SERPINB3: variants seen among roughly 807,000 people sequenced by gnomAD.
The protein encoded by SERPINB3 is serpin family B member 3, also known as serpin B3.
Under a neutral mutation model 33.0 loss-of-function variants are expected in SERPINB3, and 33 were observed. That is an observed-to-expected ratio of 1.00 (90% CI 0.76 to 1.34). SERPINB3 has a LOEUF of 1.34. SERPINB3 is among the 40% of genes most tolerant of loss of function. The pLI is 0.00. For synonymous variants in SERPINB3, 200 were observed against 170.9 expected, an observed-to-expected ratio of 1.17 and a Z score of -1.33; for missense variants, 518 against 461.5, an observed-to-expected ratio of 1.12 and a Z score of -1.12.
Position 63,656,025 on chromosome 18 carries a change from A to C in SERPINB3, c.805T>G (p.Trp269Gly). ...TCTCTCATATTCTGCAAACTTGTCC[A>C]TTCCATCAATTTCTCAGCAGTGAGT... ...EKLTAEKLME[W>G]TSLQNMRETR... Residue 269 changes from tryptophan (W) to glycine (G), a missense_variant, in exon 8 of 8, where the codon TGG becomes GGG. Physicochemically the swap from Trp to Gly is radical, Grantham distance 184. Coordinates refer to ENST00000283752, the MANE Select transcript of SERPINB3 (RefSeq NM_006919.3). The C allele has an allele frequency of 1.2e-6, 2 of 1,613,772 alleles. No homozygotes were observed. The highest frequency in any genetic ancestry group is 1.7e-6 in the Non-Finnish European group (2 of 1,179,820).
chr18:63,657,248 AT>A (rs773294566), intron 6 of SERPINB3, 21 bp downstream of exon 6: 2 of 1,250,934 alleles, frequency 1.6e-6, no homozygotes, highest in East Asian at 4.9e-5. Context: ...ATTACATTAT[AT>A]AAATAAAATA....
intron 5 of SERPINB3, among the ~76,000 whole-genome samples, chr18:63,657,618 G>A (rs12457809): frequency 0.095 from 14,414 of 152,070 alleles, 1,202 homozygotes; most frequent in East Asian, 0.44. Flanking sequence ...GTATAAAGTT[G>A]CCCTTAATGG....
chr18:63,659,007 G>A (rs1913571172), intron 4 of SERPINB3, among the ~76,000 whole-genome samples: 1 of 151,802 alleles, frequency 6.6e-6, no homozygotes, highest in African/African-American at 2.4e-5. Context: ...GTATTTCCTG[G>A]TACTTCCTCA....
At chr18:63,657,101 T>G (rs1214988496) in intron 6 of SERPINB3, 115 bp from the exon 7 acceptor site, 2 of 1,024,548 alleles carry the variant, frequency 2.0e-6, no homozygotes, top group East Asian at 5.3e-5. Flanking sequence ...ATGTAATGAG[T>G]TAGAGACAAT....
chr18:63,658,806 C>T (rs547698117), intron 4 of SERPINB3, among the ~76,000 whole-genome samples, 176 bp from the exon 5 acceptor site: 11 of 152,220 alleles, frequency 7.2e-5, no homozygotes, highest in South Asian at 2.1e-4. Flanking sequence ...AAGCGGAGTG[C>T]GGGCTGGCGC....
intron 6 of SERPINB3, 141 bp downstream of exon 6, chr18:63,657,129 C>A (rs1598937170): frequency 2.2e-6 from 2 of 920,732 alleles, no homozygotes; most frequent in Non-Finnish European, 3.1e-6. Flanking sequence ...TCAGGAATTC[C>A]TAACTAAATA....
At chr18:63,658,350 CT>C (rs1392944656) in intron 5 of SERPINB3, among the ~76,000 whole-genome samples, 162 bp downstream of exon 5, 1 of 152,016 alleles carries the variant, frequency 6.6e-6, no homozygotes, top group African/African-American at 2.4e-5. Flanking sequence ...CCCCTAGGCT[CT>C]CTTCATAATC....
At chr18:63,656,713 T>C (rs1467108943) in intron 7 of SERPINB3, 118 bp downstream of exon 7, 5 of 1,233,130 alleles carry the variant, frequency 4.1e-6, no homozygotes, top group Non-Finnish European at 5.6e-6. Flanking sequence ...TCATTCCTCA[T>C]TTAGAATTTT....
chr18:63,659,305 G>A (rs765169569), intron 4 of SERPINB3, 94 bp downstream of exon 4: 1 of 1,386,402 alleles, frequency 7.2e-7, no homozygotes, highest in Admixed American at 1.7e-5. Context: ...ACCTGGATCG[G>A]TCAGGCTCAT....
In SERPINB3 at chr18:63,656,900, T is replaced by C. The variant is rs1913511205; in HGVS notation, c.699A>G (p.Glu233=). The C allele has an allele frequency of 1.2e-6, 2 of 1,613,480 alleles. No individual in the cohort carries two copies. Among genetic ancestry groups the C allele is most frequent in the African/African-American group, 2.7e-5 (2 of 74,928 alleles). ...SLEDVQAKVL[E]IPYKGKDLSM... ...TTAGATCTTTGCCTTTGTATGGTAT[T>C]TCCAGGACCTTGGCCTGTACATCCT... The change falls in exon 7 of 8, where the codon GAA becomes GAG. Residue 233 remains glutamate, a synonymous_variant. Coordinates refer to ENST00000283752, the MANE Select transcript of SERPINB3 (RefSeq NM_006919.3).
At chr18:63,656,107 C>A (rs1442941117) in intron 7 of SERPINB3, 46 bp from the exon 8 acceptor site, 1 of 1,580,942 alleles carries the variant, frequency 6.3e-7, no homozygotes, top group Non-Finnish European at 8.6e-7. Flanking sequence ...CTGTTGATTT[C>A]TAATACACCT....
intron 5 of SERPINB3, 37 bp from the exon 6 acceptor site, chr18:63,657,449 C>A (rs774078904): frequency 3.3e-6 from 5 of 1,510,688 alleles, no homozygotes; most frequent in Admixed American, 4.0e-5. Context: ...TTTACACAAG[C>A]TACAAATGGC....
chr18:63,657,407 T>C lies in SERPINB3; in HGVS notation c.475A>G (p.Ile159Val). ...TTACCTTCAGGAATTAGGTTTTTAA[T>C]TTTTTCTGCAAGGGAAAGAATAAAA... ...SWVESQTNEK[I>V]KNLIPEGNIG... The change falls in exon 6 of 8, where the codon ATT (isoleucine) becomes GTT (valine). Residue 159 changes from isoleucine (I) to valine (V), a missense_variant. Coordinates refer to ENST00000283752, the MANE Select transcript of SERPINB3 (RefSeq NM_006919.3). The C allele has an allele frequency of 6.3e-7, 1 of 1,594,104 alleles. No homozygotes were observed. The highest frequency in any genetic ancestry group is 8.5e-7 in the Non-Finnish European group (1 of 1,171,216).
At chr18:63,660,901 T>C (rs1913625801) in intron 2 of SERPINB3, 45 bp from the exon 3 acceptor site, 4 of 1,612,672 alleles carry the variant, frequency 2.5e-6, no homozygotes, top group African/African-American at 1.3e-5. Context: ...ACTCAAAAGA[T>C]CTGTTTAAGT....
In SERPINB3 at chr18:63,661,039, T is replaced by G. The variant is rs1913630013; in HGVS notation, c.165+13A>C. ...AAACTGCAACAGGACAACATAATGATGCTGATAGCTACCTTCTTAATCTGT... is the reference window on the plus strand; with the variant it reads ...AAACTGCAACAGGACAACATAATGAGGCTGATAGCTACCTTCTTAATCTGT... On this transcript the variant is annotated intron_variant, in intron 2 of 7. Coordinates refer to ENST00000283752, the MANE Select transcript of SERPINB3 (RefSeq NM_006919.3). The G allele has an allele frequency of 1.2e-6, 2 of 1,613,354 alleles. No homozygotes were observed. The highest frequency in any genetic ancestry group is 2.7e-5 in the African/African-American group (2 of 74,880).
In SERPINB3 at chr18:63,656,029, C is replaced by T. The variant is rs1210559123; in HGVS notation, c.801G>A (p.Met267Ile). 6.2e-7 allele frequency: 1 copy of T among 1,613,702 alleles called. No individual in the cohort carries two copies. Among genetic ancestry groups the T allele is most frequent in the Non-Finnish European group, 8.5e-7 (1 of 1,179,808 alleles). ...LEEKLTAEKL[M>I]EWTSLQNMRE... Reference sequence around the variant, plus strand: ...TCATATTCTGCAAACTTGTCCATTCCATCAATTTCTCAGCAGTGAGTTTCT... The same window carrying T: ...TCATATTCTGCAAACTTGTCCATTCTATCAATTTCTCAGCAGTGAGTTTCT... Residue 267 changes from methionine to isoleucine, a missense_variant, in exon 8 of 8, where the codon ATG becomes ATA. Physicochemically the swap from Met to Ile is conservative, Grantham distance 10. Coordinates refer to ENST00000283752, the MANE Select transcript of SERPINB3 (RefSeq NM_006919.3).
At chr18:63,659,252 A>T in intron 4 of SERPINB3, 147 bp downstream of exon 4, 1 of 802,676 alleles carries the variant, frequency 1.2e-6, no homozygotes, top group Non-Finnish European at 2.1e-6. Context: ...AGTGGGGGAG[A>T]GTTGTGGAAA....
intron 4 of SERPINB3, 127 bp downstream of exon 4, chr18:63,659,272 T>C (rs558559780): frequency 2.9e-6 from 3 of 1,017,902 alleles, no homozygotes; most frequent in East Asian, 4.8e-5. Context: ...ACGGAGCTAT[T>C]GCACTCTGAG....
chr18:63,659,615 G>A, intron 3 of SERPINB3, 88 bp from the exon 4 acceptor site: 8 of 1,536,866 alleles, frequency 5.2e-6, no homozygotes, highest in Non-Finnish European at 7.1e-6. Context: ...AGTCCCTAAT[G>A]GCTGGTAGTC....
Sources: allele counts gnomAD v4.1 joint callset (sites outside exome capture counted in the v4.1 genomes callset), GRCh38; gene constraint gnomAD v4.1.1; transcripts MANE v1.5; gene names NCBI Gene and HGNC (gene_info 2026-07-23, HGNC 2026-07-21).